Variants in SLC4A4 observed in about 807,000 individuals in gnomAD.
The protein encoded by SLC4A4 is solute carrier family 4 member 4.
In SLC4A4, 27 loss-of-function variants were observed where a neutral mutation model predicts 111.5. That is an observed-to-expected ratio of 0.24 (90% CI 0.18 to 0.33). The LOEUF is 0.33. Ranked by LOEUF, SLC4A4 falls within the 10% of genes least tolerant of loss-of-function variation. The pLI is 1.00. For synonymous variants in SLC4A4, 443 were observed against 463.4 expected (o/e 0.96, Z 0.57); for missense variants, 909 against 1,315.5 (o/e 0.69, Z 4.78).
chr4:71,165,770 A>C (rs115090547), intron 2 of SLC4A4, among the ~76,000 whole-genome samples: 250 of 152,322 alleles, frequency 1.6e-3, no homozygotes, highest in South Asian at 8.9e-3. Flanking sequence ...GTTACAGTAC[A>C]TCATTAAAAT....
At chr4:71,379,095 T>C (rs1717834053) in intron 6 of SLC4A4, among the ~76,000 whole-genome samples, 1 of 152,224 alleles carries the variant, frequency 6.6e-6, no homozygotes, top group African/African-American at 2.4e-5. Flanking sequence ...GCCTTCACTC[T>C]GACTTCTTAA....
chr4:71,128,600 C>T (rs1030591245), intron 2 of SLC4A4, among the ~76,000 whole-genome samples: 4 of 152,132 alleles, frequency 2.6e-5, no homozygotes, highest in African/African-American at 9.7e-5. Context: ...ATGATCCTCC[C>T]ACCTCAGCCT....
chr4:71,242,742 TTATAATTTTCTTATAATTTTA>T (rs1221013758), intron 2 of SLC4A4, among the ~76,000 whole-genome samples: 2 of 151,770 alleles, frequency 1.3e-5, no homozygotes, highest in South Asian at 4.1e-4. Context: ...AATTTAGTTA[TTATAATTTTCTTATAATTTTA>T]TATAATTTTC....
At chr4:71,497,971 A>T (rs924906700) in intron 16 of SLC4A4, among the ~76,000 whole-genome samples, 1 of 152,178 alleles carries the variant, frequency 6.6e-6, no homozygotes, top group Non-Finnish European at 1.5e-5. Context: ...AATTATATTT[A>T]AAAATGCATG....
chr4:71,155,026 A>G (rs1744420826), intron 2 of SLC4A4, among the ~76,000 whole-genome samples: 1 of 152,146 alleles, frequency 6.6e-6, no homozygotes, highest in South Asian at 2.1e-4. Context: ...TGGGTCACAA[A>G]ATCAATTTAG....
At chr4:71,236,205 T>C in intron 1 of SLC4A4, 1 of 1,096,224 alleles carries the variant, frequency 9.1e-7, no homozygotes, top group Non-Finnish European at 1.1e-6. Context: ...TCACGAGCAC[T>C]CCAGACACAC....
At chr4:71,156,150 G>C (rs148956070) in intron 2 of SLC4A4, among the ~76,000 whole-genome samples, 4 of 152,272 alleles carry the variant, frequency 2.6e-5, no homozygotes, top group African/African-American at 7.2e-5. Flanking sequence ...CCAACTCTGT[G>C]GCATAGAATT....
intron 5 of SLC4A4, among the ~76,000 whole-genome samples, chr4:71,352,029 G>A (rs1242881096): frequency 6.6e-6 from 1 of 152,142 alleles, no homozygotes; most frequent in East Asian, 1.9e-4. Context: ...AGGGAGATCG[G>A]AACCCATCTA....
rs1437854033 is a variant in SLC4A4, at chr4:71,068,011, A to C, written c.-65+5223A>C. Among the ~76,000 whole-genome samples, 7 of 147,980 alleles carry C rather than the reference A, an allele frequency of 4.7e-5. No homozygotes were observed. In the East Asian group the frequency reaches 1.4e-3, roughly 30 times the overall value. On this transcript the variant is annotated intron_variant, in intron 1 of 26. Transcript: ENST00000649996. ...CAATCCTCCTGCCTTCGCTTCCCAT[A>C]GTGTTGGGATTATGGATGTGAGCCA...
chr4:71,222,869 T>C (rs1023665927), intron 1 of SLC4A4, among the ~76,000 whole-genome samples: 4 of 152,178 alleles, frequency 2.6e-5, no homozygotes, highest in African/African-American at 4.8e-5. Context: ...AATTTAACAA[T>C]TGTGATTTCA....
chr4:71,184,253 T>C (rs1485605140), upstream of SLC4A4, among the ~76,000 whole-genome samples: 3 of 152,222 alleles, frequency 2.0e-5, no homozygotes, highest in Non-Finnish European at 4.4e-5. Flanking sequence ...TGCATTATTC[T>C]ACTACATACA....
In SLC4A4 at chr4:71,510,371, G is replaced by T. The variant is rs529317100; in HGVS notation, c.2166+12679G>T. 1.5e-3 allele frequency among the ~76,000 whole-genome samples: 235 copies of T among 152,220 alleles called. 1 individual carries two copies. Among genetic ancestry groups the T allele is most frequent in the African/African-American group, 5.2e-3 (215 of 41,530 alleles). On this transcript the variant is annotated intron_variant, in intron 16 of 25. Coordinates refer to ENST00000264485, the MANE Select transcript of SLC4A4 (RefSeq NM_001098484.3). ...CTAATGTAAATGTAATTATTTATTT[G>T]CTATTTTGGTCCCTTTTTGTGGAGT...
intron 20 of SLC4A4, among the ~76,000 whole-genome samples, chr4:71,548,674 A>G (rs1315320736): frequency 6.6e-6 from 1 of 151,902 alleles, no homozygotes; most frequent in Non-Finnish European, 1.5e-5. Context: ...ATTTTTAAAC[A>G]TTTTAATTTT....
chr4:71,351,176 T>C (rs979126747), intron 5 of SLC4A4, among the ~76,000 whole-genome samples: 1 of 152,212 alleles, frequency 6.6e-6, no homozygotes, highest in Admixed American at 6.5e-5. Flanking sequence ...ACTTTGATGG[T>C]GGTGATACAA....
intron 6 of SLC4A4, among the ~76,000 whole-genome samples, chr4:71,374,881 C>T (rs1732209403): frequency 6.6e-6 from 1 of 151,962 alleles, no homozygotes; most frequent in Non-Finnish European, 1.5e-5. Flanking sequence ...TAATCAGACT[C>T]TCCTGCTCAT....
chr4:71,558,507 G>C (rs565195836), intron 22 of SLC4A4, among the ~76,000 whole-genome samples: 1 of 151,974 alleles, frequency 6.6e-6, no homozygotes, highest in South Asian at 2.1e-4. Flanking sequence ...ACAAGTGAAA[G>C]AAGAGAAAAA....
Position 71,278,787 on chromosome 4 carries a change from G to T in SLC4A4, c.253+23388G>T, listed in dbSNP as rs145981821. Among the ~76,000 whole-genome samples, 302 of 152,220 alleles carry T rather than the reference G, an allele frequency of 2.0e-3. 1 individual carries two copies. The highest frequency in any genetic ancestry group is 3.3e-3 in the Non-Finnish European group (224 of 68,000). ...TAGGTCCTTTGTCCATTTAAAAAATGAGATTGTCATTATTATTATTGTTAT... is the reference window on the plus strand; with the variant it reads ...TAGGTCCTTTGTCCATTTAAAAAATTAGATTGTCATTATTATTATTGTTAT... On this transcript the variant is annotated intron_variant, in intron 3 of 25. Coordinates refer to ENST00000264485, the MANE Select transcript of SLC4A4 (RefSeq NM_001098484.3).
At chr4:71,414,197 A>T (rs1321243810) in intron 7 of SLC4A4, among the ~76,000 whole-genome samples, 2 of 152,342 alleles carry the variant, frequency 1.3e-5, no homozygotes, top group East Asian at 3.9e-4. Context: ...CCATCAGCCA[A>T]CCTTAAGAAC....
chr4:71,533,276 A>G (rs1406949568), intron 17 of SLC4A4, among the ~76,000 whole-genome samples: 2 of 152,154 alleles, frequency 1.3e-5, no homozygotes, highest in African/African-American at 4.8e-5. Context: ...GTCAGGCTCT[A>G]AGCTGGAAAT....
Sources: allele counts gnomAD v4.1 joint callset (sites outside exome capture counted in the v4.1 genomes callset), GRCh38; gene constraint gnomAD v4.1.1; transcripts MANE v1.5; gene names NCBI Gene and HGNC (gene_info 2026-07-23, HGNC 2026-07-21).